Variants in SAV1 observed in about 807,000 individuals in gnomAD.
The protein encoded by SAV1 is salvador family WW domain containing protein 1.
SAV1 carries 23 observed loss-of-function variants against 47.3 expected under a neutral mutation model. The observed-to-expected ratio is 0.49, with a 90% CI of 0.35 to 0.69. The LOEUF (loss-of-function observed/expected upper bound fraction) is 0.69. Ranked by LOEUF, SAV1 falls within the 30% of genes least tolerant of loss-of-function variation. The probability of loss-of-function intolerance (pLI) is 0.01; values close to 1 mark genes in which losing one functional copy is unlikely to be tolerated. For synonymous variants in SAV1, 155 were observed against 159.2 expected (o/e 0.97, Z 0.20); for missense variants, 448 against 457.4 (o/e 0.98, Z 0.19).
intron 2 of SAV1, among the ~76,000 whole-genome samples, chr14:50,657,825 A>G (rs1318365229): frequency 1.3e-5 from 2 of 152,250 alleles, no homozygotes; most frequent in Non-Finnish European, 2.9e-5. Flanking sequence ...AGTCGAAGAC[A>G]CAGATAAAGT....
intron 2 of SAV1, among the ~76,000 whole-genome samples, chr14:50,663,854 T>C (rs761687701): frequency 6.6e-6 from 1 of 152,242 alleles, no homozygotes; most frequent in Non-Finnish European, 1.5e-5. Context: ...AAGCCTATTG[T>C]TGAACCACAA....
At chr14:50,641,515 C>T (rs1342350906) in intron 3 of SAV1, among the ~76,000 whole-genome samples, 1 of 152,050 alleles carries the variant, frequency 6.6e-6, no homozygotes, top group Non-Finnish European at 1.5e-5. Flanking sequence ...GAACTCGAAG[C>T]GGCCAAAAGG....
intron 2 of SAV1, among the ~76,000 whole-genome samples, chr14:50,661,461 T>C (rs890680492): frequency 3.9e-5 from 6 of 152,242 alleles, no homozygotes; most frequent in African/African-American, 1.4e-4. Context: ...TAGTCCCATA[T>C]GTCTATTTGT....
chr14:50,660,782 T>C (rs1449739749), intron 2 of SAV1, among the ~76,000 whole-genome samples: 1 of 152,160 alleles, frequency 6.6e-6, no homozygotes, highest in African/African-American at 2.4e-5. Flanking sequence ...CTGCTATCAT[T>C]CTATCTCCAT....
At chr14:50,642,420 C>T (rs111584044) in intron 3 of SAV1, among the ~76,000 whole-genome samples, 1,575 of 149,806 alleles carry the variant, frequency 0.011, 27 homozygotes, top group African/African-American at 0.035. Context: ...ACCTGGGAGG[C>T]GAAGGTTGAG....
Position 50,644,973 on chromosome 14 carries a change from T to G in SAV1, c.577A>C (p.Asn193His), listed in dbSNP as rs1355867280. ...AGGGGTAAATCTTCAGAACCATGGT[T>G]AGTCAAATTTCCTAAAGATGTAGCA... ...VAATSLGNLT[N>H]HGSEDLPLPP... Residue 193 changes from asparagine to histidine, a missense_variant, in exon 3 of 5, where the codon AAC becomes CAC. Coordinates refer to ENST00000324679, the MANE Select transcript of SAV1 (RefSeq NM_021818.4). The G allele has an allele frequency of 6.2e-7, 1 of 1,613,026 alleles. No homozygotes were observed. Among genetic ancestry groups the G allele is most frequent in the African/African-American group, 1.3e-5 (1 of 74,916 alleles).
intron 2 of SAV1, among the ~76,000 whole-genome samples, chr14:50,652,920 A>G (rs1013447539): frequency 2.0e-5 from 3 of 152,192 alleles, no homozygotes; most frequent in Non-Finnish European, 4.4e-5. Context: ...GATCCCAGCT[A>G]TTCAGGAGGC....
intron 2 of SAV1, among the ~76,000 whole-genome samples, chr14:50,657,319 CA>C (rs2039821596): frequency 6.6e-6 from 1 of 152,204 alleles, no homozygotes; most frequent in Non-Finnish European, 1.5e-5. Context: ...CTCACTCTTA[CA>C]AAGGACATGT....
intron 2 of SAV1, among the ~76,000 whole-genome samples, chr14:50,656,504 G>A (rs1163009035): frequency 2.0e-5 from 3 of 148,082 alleles, no homozygotes; most frequent in African/African-American, 5.0e-5. Context: ...GTGCGGTGGC[G>A]CGATCTCCGC....
chr14:50,650,512 G>A (rs894793944), intron 2 of SAV1, among the ~76,000 whole-genome samples: 2 of 152,246 alleles, frequency 1.3e-5, no homozygotes, highest in African/African-American at 4.8e-5. Context: ...CCTTGTCTGT[G>A]TGACCAATAG....
Position 50,667,988 on chromosome 14 carries a change from G to GCCGCGCTGAACTGCCTCCCTAGGGCT in SAV1, c.-47_-22dup. 1.2e-6 allele frequency: 2 copies of GCCGCGCTGAACTGCCTCCCTAGGGCT among 1,601,708 alleles called. No homozygotes were observed. Among genetic ancestry groups the GCCGCGCTGAACTGCCTCCCTAGGGCT allele is most frequent in the Non-Finnish European group, 1.7e-6 (2 of 1,173,734 alleles). On this transcript the variant is annotated 5_prime_UTR_variant, in exon 1 of 5. Coordinates refer to ENST00000324679, the MANE Select transcript of SAV1 (RefSeq NM_021818.4). ...AGCATCCTTCTCGACGAGGCCCGAG[G>GCCGCGCTGAACTGCCTCCCTAGGGCT]CCGCGCTGAACTGCCTCCCTAGGGC...
At chr14:50,657,024 C>CTTT (rs3080610) in intron 2 of SAV1, among the ~76,000 whole-genome samples, 20 of 122,226 alleles carry the variant, frequency 1.6e-4, no homozygotes, top group African/African-American at 4.9e-4. Context: ...AAAACACTCA[C>CTTT]TTTTTTTTTT....
chr14:50,655,432 T>G (rs1156315887), intron 2 of SAV1, among the ~76,000 whole-genome samples: 1 of 147,740 alleles, frequency 6.8e-6, no homozygotes, highest in Non-Finnish European at 1.5e-5. Context: ...AAGCTGCCTT[T>G]TTTTTTTTTT....
In SAV1 at chr14:50,668,284, G is replaced by GC. The variant is rs2039923944; in HGVS notation, c.-318dup. ...GGGCCAGGGCCATGGTCCGCCGCGG[G>GC]CCGCCGAATAACCGCTACCACTACC... On this transcript the variant is annotated 5_prime_UTR_variant, in exon 1 of 5. Coordinates refer to ENST00000324679, the MANE Select transcript of SAV1 (RefSeq NM_021818.4). 5.7e-6 allele frequency: 1 copy of GC among 175,768 alleles called. No individual in the cohort carries two copies. Among genetic ancestry groups the GC allele is most frequent in the Non-Finnish European group, 1.2e-5 (1 of 83,940 alleles). 10.9% of individuals were successfully genotyped at this position (175,768 alleles called of 1,614,324 possible).
chr14:50,636,258 AT>A (rs1399501694), intron 4 of SAV1, among the ~76,000 whole-genome samples: 1 of 152,170 alleles, frequency 6.6e-6, no homozygotes, highest in African/African-American at 2.4e-5. Context: ...GCAAATGATA[AT>A]GCACAAAAAT....
At chr14:50,637,839 C>G (rs1458497314) in intron 4 of SAV1, 1 of 152,410 alleles carries the variant, frequency 6.6e-6, no homozygotes, top group East Asian at 1.9e-4. Flanking sequence ...GTGGTCCCTG[C>G]TCCTGGGAGG....
chr14:50,639,768 A>G (rs1429743763), intron 4 of SAV1, among the ~76,000 whole-genome samples: 2 of 152,210 alleles, frequency 1.3e-5, no homozygotes, highest in South Asian at 2.1e-4. Flanking sequence ...AACAGAAAGA[A>G]TAACTCTCCT....
intron 2 of SAV1, among the ~76,000 whole-genome samples, chr14:50,657,819 G>A (rs890935047): frequency 2.0e-4 from 30 of 152,260 alleles, no homozygotes; most frequent in Admixed American, 1.2e-3. Context: ...TGACTTAGTC[G>A]AAGACACAGA....
rs534738502 is a variant in SAV1 at position 50,634,140 on chromosome 14, C to T, written c.*1043G>A. 429 of 455,050 alleles carry T rather than the reference C, an allele frequency of 9.4e-4. 10 individuals are homozygous for T. The highest frequency in any genetic ancestry group is 6.4e-3 in the South Asian group (412 of 64,400). 28.2% of individuals were successfully genotyped at this position (455,050 alleles called of 1,614,324 possible). A position where few individuals can be genotyped will look rare whatever the true frequency, so the allele number is the denominator to read the frequency against. On this transcript the variant is annotated 3_prime_UTR_variant, in exon 5 of 5. Transcript: ENST00000324679. ...TGCTGTCAGGAACTCTCCACTGCCTCGTCAGAGCCATGCTAAATGCAGTAA... is the reference window on the plus strand; with the variant it reads ...TGCTGTCAGGAACTCTCCACTGCCTTGTCAGAGCCATGCTAAATGCAGTAA...
Sources: allele counts gnomAD v4.1 joint callset (sites outside exome capture counted in the v4.1 genomes callset), GRCh38; gene constraint gnomAD v4.1.1; transcripts MANE v1.5; gene names NCBI Gene and HGNC (gene_info 2026-07-23, HGNC 2026-07-21).